Variants in FAM110B observed in about 807,000 individuals in gnomAD.
FAM110B encodes the protein family with sequence similarity 110 member B.
A neutral mutation model predicts 20.4 loss-of-function variants in FAM110B; 6 were observed. The ratio of observed to expected loss-of-function variants is 0.29; its 90% confidence interval spans 0.16 to 0.58. The LOEUF is 0.58. FAM110B is among the 20% of genes least tolerant of loss of function. The pLI is 0.90. For missense variants in FAM110B, 434 were observed against 498.2 expected (o/e 0.87, Z 1.23); for synonymous variants, 226 against 214.1 (o/e 1.06, Z -0.49).
intron 1 of FAM110B, among the ~76,000 whole-genome samples, chr8:58,011,159 T>C (rs986834984): frequency 6.6e-6 from 1 of 152,170 alleles, no homozygotes; most frequent in Non-Finnish European, 1.5e-5. Context: ...GAGACCAAAA[T>C]AGATGCCCTT....
intron 2 of FAM110B, among the ~76,000 whole-genome samples, chr8:58,057,408 G>T (rs2150583558): frequency 6.6e-6 from 1 of 152,278 alleles, no homozygotes; most frequent in Non-Finnish European, 1.5e-5. Context: ...TGGTAAGGCT[G>T]CCCTTCTGTA....
At chr8:58,110,892 A>G (rs573682797) in intron 3 of FAM110B, among the ~76,000 whole-genome samples, 1 of 152,308 alleles carries the variant, frequency 6.6e-6, no homozygotes, top group African/African-American at 2.4e-5. Context: ...TTGTCTTTAA[A>G]TAGCTGTGAA....
intron 1 of FAM110B, among the ~76,000 whole-genome samples, chr8:58,008,549 C>T (rs1262228584): frequency 6.6e-6 from 1 of 152,170 alleles, no homozygotes; most frequent in African/African-American, 2.4e-5. Context: ...GGGTAATTAG[C>T]ATACCCAGCA....
chr8:58,102,588 GTAAA>G (rs1476086837), intron 3 of FAM110B, among the ~76,000 whole-genome samples: 1 of 152,162 alleles, frequency 6.6e-6, no homozygotes, highest in Non-Finnish European at 1.5e-5. Flanking sequence ...CTTTTGTTGC[GTAAA>G]TGAATTGATT....
chr8:58,034,959 A>C (rs73681751), intron 2 of FAM110B, among the ~76,000 whole-genome samples: 7,781 of 152,250 alleles, frequency 0.051, 673 homozygotes, highest in African/African-American at 0.18. Context: ...CCGCAAGTTC[A>C]GTCATCTCAT....
intron 1 of FAM110B, among the ~76,000 whole-genome samples, chr8:58,029,739 T>A (rs1231564268): frequency 6.6e-6 from 1 of 152,108 alleles, no homozygotes; most frequent in Non-Finnish European, 1.5e-5. Context: ...GTGAAATGAG[T>A]CAACTGGAGC....
chr8:58,142,876 A>G (rs1036122007), intron 3 of FAM110B, among the ~76,000 whole-genome samples: 1 of 152,202 alleles, frequency 6.6e-6, no homozygotes, highest in African/African-American at 2.4e-5. Context: ...TCAAAACAAC[A>G]CGAAGCCCCT....
chr8:58,007,901 T>G (rs1350840765), intron 1 of FAM110B, among the ~76,000 whole-genome samples: 1 of 152,202 alleles, frequency 6.6e-6, no homozygotes, highest in Non-Finnish European at 1.5e-5. Context: ...AATAGAATGT[T>G]ACGTCAGAAG....
At chr8:58,111,357 AT>A in intron 3 of FAM110B, among the ~76,000 whole-genome samples, 1 of 152,300 alleles carries the variant, frequency 6.6e-6, no homozygotes, top group East Asian at 1.9e-4. Context: ...AATTTTTAAA[AT>A]TTCATTTTCT....
At chr8:58,111,258 G>T (rs1430556719) in intron 3 of FAM110B, among the ~76,000 whole-genome samples, 1 of 152,184 alleles carries the variant, frequency 6.6e-6, no homozygotes, top group Non-Finnish European at 1.5e-5. Flanking sequence ...TCTGAGCTCA[G>T]AAAATCACTC....
intron 2 of FAM110B, among the ~76,000 whole-genome samples, chr8:58,046,366 G>A (rs1218261625): frequency 6.6e-6 from 1 of 152,146 alleles, no homozygotes; most frequent in Non-Finnish European, 1.5e-5. Context: ...TTTGCACATA[G>A]TTTTTGTCAT....
intron 2 of FAM110B, among the ~76,000 whole-genome samples, chr8:58,064,991 A>G (rs928008878): frequency 1.3e-5 from 2 of 152,222 alleles, no homozygotes; most frequent in African/African-American, 2.4e-5. Context: ...TAAAAGTTTC[A>G]GAAAGACCCT....
Position 58,077,482 on chromosome 8 carries a change from C to T in FAM110B, c.-325+1859C>T, listed in dbSNP as rs888215909. Among the ~76,000 whole-genome samples the T allele has an allele frequency of 2.0e-5, 3 of 152,150 alleles. No homozygotes were observed. The East Asian group carries it at 5.8e-4, about 29-fold the overall frequency. ...CAGTTGAGTTTGCAGCCCTAGTGGC[C>T]AGGGAAGAACTACAGAGTTGAGTAG... On this transcript the variant is annotated intron_variant, in intron 3 of 3. Transcript: ENST00000519262.
chr8:58,041,954 G>A (rs1443015474), intron 2 of FAM110B, among the ~76,000 whole-genome samples: 1 of 152,218 alleles, frequency 6.6e-6, no homozygotes, highest in Non-Finnish European at 1.5e-5. Flanking sequence ...GAAATAAGCA[G>A]GGTTCTCGCT....
Position 58,058,680 on chromosome 8 carries a change from A to G in FAM110B, c.-413-16855A>G, listed in dbSNP as rs190755623. On this transcript the variant is annotated intron_variant, in intron 2 of 3. Coordinates refer to ENST00000519262, the MANE Select transcript of FAM110B (RefSeq NM_001377989.1). ...ATTTTTTTCTTTAGATATGCATGAT[A>G]TGCTACATTTAAATAAGACATTGAA... 3.1e-4 allele frequency among the ~76,000 whole-genome samples: 47 copies of G among 152,306 alleles called. No homozygotes were observed. The Middle Eastern group carries it at 0.014, about 44-fold the overall frequency.
At chr8:58,035,594 C>T (rs749930781) in intron 2 of FAM110B, among the ~76,000 whole-genome samples, 3 of 152,202 alleles carry the variant, frequency 2.0e-5, no homozygotes, top group Non-Finnish European at 4.4e-5. Flanking sequence ...GTTATCTTAG[C>T]ACCCAGGCCT....
intron 2 of FAM110B, among the ~76,000 whole-genome samples, chr8:58,043,615 G>A (rs1031159735): frequency 6.6e-6 from 1 of 152,070 alleles, no homozygotes; most frequent in Non-Finnish European, 1.5e-5. Context: ...CTAATGAAGA[G>A]CCTTCATTTT....
At chr8:58,101,828 A>G (rs1164970148) in intron 3 of FAM110B, among the ~76,000 whole-genome samples, 1 of 152,098 alleles carries the variant, frequency 6.6e-6, no homozygotes, top group Non-Finnish European at 1.5e-5. Context: ...CTTGGTACCC[A>G]TTTCTCTGAA....
intron 1 of FAM110B, among the ~76,000 whole-genome samples, chr8:58,011,643 C>T (rs1804535835): frequency 6.6e-6 from 1 of 152,192 alleles, no homozygotes; most frequent in African/African-American, 2.4e-5. Flanking sequence ...GAGCAGTCCT[C>T]CCATCTTTGA....
Sources: allele counts gnomAD v4.1 joint callset (sites outside exome capture counted in the v4.1 genomes callset), GRCh38; gene constraint gnomAD v4.1.1; transcripts MANE v1.5; gene names NCBI Gene and HGNC (gene_info 2026-07-23, HGNC 2026-07-21).